The following KMT2A variants were observed in gnomAD, a reference collection of about 807,000 sequenced individuals.
The protein encoded by KMT2A is histone-lysine N-methyltransferase 2A.
A neutral mutation model predicts 345.3 loss-of-function variants in KMT2A; 16 were observed. The observed-to-expected ratio is 0.05, with a 90% confidence interval of 0.03 to 0.07. KMT2A has a LOEUF of 0.07. Ranked by LOEUF, KMT2A falls within the 10% of genes least tolerant of loss-of-function variation. The probability of loss-of-function intolerance (pLI) is 1.00; values close to 1 mark genes in which losing one functional copy is unlikely to be tolerated. For synonymous variants in KMT2A, 1,599 were observed against 1,778.6 expected, an observed-to-expected ratio of 0.90 and a Z score of 2.54; for missense variants, 3,272 against 4,841.6, an observed-to-expected ratio of 0.68 and a Z score of 9.62.
rs1345151213 is a variant in KMT2A, at chr11:118,525,211, G to A, written c.*3039G>A. On this transcript the variant is annotated 3_prime_UTR_variant, in exon 36 of 36. Transcript: ENST00000534358. ...AGGAATTGTGATGGGTCATTCCCAA[G>A]AATCCCCCAAGGGGCATCCCAAATC... is the stretch of plus-strand genomic sequence containing the variant. The A allele has an allele frequency of 4.3e-6, 1 of 231,824 alleles. No individual in the cohort carries two copies. The highest frequency in any genetic ancestry group is 8.5e-6 in the Non-Finnish European group (1 of 117,196). The allele number at this position is 231,824 out of a possible 1,614,324, so 14.4% of individuals were successfully genotyped here.
At chr11:118,475,559 T>C (rs538425365) in intron 3 of KMT2A, among the ~76,000 whole-genome samples, 3 of 152,034 alleles carry the variant, frequency 2.0e-5, no homozygotes, top group Non-Finnish European at 4.4e-5. Context: ...CTGTCTCTAC[T>C]AAAAATCCAA....
chr11:118,482,798 G>A (rs61900944), intron 8 of KMT2A, among the ~76,000 whole-genome samples: 8 of 151,508 alleles, frequency 5.3e-5, no homozygotes, highest in Non-Finnish European at 1.0e-4. Flanking sequence ...CAGGCATGGT[G>A]GCAGTTGCGT....
Position 118,484,418 on chromosome 11 carries a change from G to A in KMT2A, c.4218+104G>A. 2 of 1,234,812 alleles carry A rather than the reference G, an allele frequency of 1.6e-6. No homozygotes were observed. The highest frequency in any genetic ancestry group is 2.3e-6 in the Non-Finnish European group (2 of 879,614). The allele number at this position is 1,234,812 out of a possible 1,614,324, so 76.5% of individuals were successfully genotyped here. A position where few individuals can be genotyped will look rare whatever the true frequency, so the allele number is the denominator to read the frequency against. ...GAAAGAGGAAATCAGCACCAACTGG[G>A]GGAATGAATAAGAACTCCCATTAGC... is the stretch of plus-strand genomic sequence containing the variant. On this transcript the variant is annotated intron_variant, in intron 9 of 35. Coordinates refer to ENST00000534358, the MANE Select transcript of KMT2A (RefSeq NM_001197104.2). The surrounding 1 kb of genome is among the most constrained non-coding windows in gnomAD (Gnocchi z 4.1).
Position 118,495,719 on chromosome 11 carries a change from G to A in KMT2A, c.5383G>A (p.Ala1795Thr), listed in dbSNP as rs1565296868. 1.2e-6 allele frequency: 2 copies of A among 1,611,764 alleles called. No individual in the cohort carries two copies. The highest frequency in any genetic ancestry group is 1.7e-6 in the Non-Finnish European group (2 of 1,178,828). ...VSSNSGMLPN[A>T]VLPPSLDHNY... is the part of the protein sequence containing the mutation. ...TTTCAGCAGTGGGATGTTACCAAAC[G>A]CAGTGCTTCCACCTTCACTTGACCA... Residue 1795 changes from alanine to threonine, a missense_variant, in exon 19 of 36, where the codon GCA becomes ACA. This residue lies in a region of KMT2A where 235 missense variants were observed against 503.4 expected (regional missense o/e 0.47). Coordinates refer to ENST00000534358, the MANE Select transcript of KMT2A (RefSeq NM_001197104.2). This position sits in a 1 kb window ranked among gnomAD's most constrained non-coding sequence, Gnocchi z 4.1.
At chr11:118,479,042 A>G (rs1950087430) in intron 5 of KMT2A, among the ~76,000 whole-genome samples, 1 of 152,260 alleles carries the variant, frequency 6.6e-6, no homozygotes, top group Non-Finnish European at 1.5e-5. Flanking sequence ...TCATAATCAT[A>G]TCATGCAGAG....
Position 118,504,345 on chromosome 11 carries a change from C to T in KMT2A, c.8453C>T (p.Pro2818Leu), listed in dbSNP as rs781858437. 1.9e-6 allele frequency: 3 copies of T among 1,614,112 alleles called. No individual in the cohort carries two copies. Among genetic ancestry groups the T allele is most frequent in the Non-Finnish European group, 2.5e-6 (3 of 1,180,020 alleles). Residue 2818 changes from proline (P) to leucine (L), a missense_variant, in exon 27 of 36, where the codon CCC (proline) becomes CTC (leucine). By Grantham distance (98) the Pro-to-Leu change is moderately conservative. Coordinates refer to ENST00000534358, the MANE Select transcript of KMT2A (RefSeq NM_001197104.2). The surrounding 1 kb of genome is among the most constrained non-coding windows in gnomAD (Gnocchi z 6.4). The stretch of plus-strand genomic sequence containing the variant: ...AGCCGCAGAGTCCACACAAGTACCC[C>T]CTCCGACAAAAATTTACTGGACACC... The part of the protein sequence containing the change: ...ESSRRVHTST[P>L]SDKNLLDTYN...
intron 24 of KMT2A, 108 bp downstream of exon 24, chr11:118,500,021 T>A: frequency 1.5e-6 from 1 of 684,470 alleles, no homozygotes; most frequent in Non-Finnish European, 2.6e-6. Context: ...TTTAAACTGC[T>A]ACTAAAAATT....
chr11:118,468,904 C>T, intron 2 of KMT2A, 60 bp downstream of exon 2: 9 of 1,336,044 alleles, frequency 6.7e-6, no homozygotes, highest in South Asian at 2.4e-5. Flanking sequence ...ATTGTGGCTT[C>T]CTCTTGCCTT....
At position 118,497,671 on chromosome 11, in the gene KMT2A, T is replaced by C. The variant is rs1178456994; in HGVS notation, c.5665-265T>C. On this transcript the variant is annotated intron_variant, in intron 20 of 35. Coordinates refer to ENST00000534358, the MANE Select transcript of KMT2A (RefSeq NM_001197104.2). The surrounding 1 kb of genome is among the most constrained non-coding windows in gnomAD (Gnocchi z 4.8). ...CTTCAGCCTCCAAAAGTGCTGGGATTACAGACGTGAACCACCATACCCAGC... is the reference window on the plus strand; with the variant it reads ...CTTCAGCCTCCAAAAGTGCTGGGATCACAGACGTGAACCACCATACCCAGC... 6.6e-6 allele frequency among the ~76,000 whole-genome samples: 1 copy of C among 152,220 alleles called. No individual in the cohort carries two copies. The highest frequency in any genetic ancestry group is 2.4e-5 in the African/African-American group (1 of 41,458).
chr11:118,460,734 A>ATAGG (rs1253271944), intron 1 of KMT2A, among the ~76,000 whole-genome samples: 1 of 152,178 alleles, frequency 6.6e-6, no homozygotes, highest in Admixed American at 6.5e-5. Context: ...AGGTGCAATA[A>ATAGG]TAGGGGACCA....
chr11:118,444,161 A>C (rs1325935007), intron 1 of KMT2A, among the ~76,000 whole-genome samples: 2 of 152,200 alleles, frequency 1.3e-5, no homozygotes, highest in Non-Finnish European at 2.9e-5. Flanking sequence ...TCAGTTCTAA[A>C]CACTAGGGAA....
At chr11:118,477,069 A>G in intron 4 of KMT2A, 87 bp downstream of exon 4, 1 of 1,252,058 alleles carries the variant, frequency 8.0e-7, no homozygotes, top group Non-Finnish European at 1.2e-6. Flanking sequence ...GGCTCTTCAT[A>G]GTTAGTAGGT....
chr11:118,513,949 A>G (rs1211562341), intron 31 of KMT2A, among the ~76,000 whole-genome samples: 1 of 151,294 alleles, frequency 6.6e-6, no homozygotes, highest in Non-Finnish European at 1.5e-5. Flanking sequence ...AAAAAAAAAA[A>G]AAAAAAAAAG....
At position 118,524,710 on chromosome 11, in the gene KMT2A, GA is replaced by G. The variant is rs1233979281; in HGVS notation, c.*2550del. On this transcript the variant is annotated 3_prime_UTR_variant, in exon 36 of 36. Transcript: ENST00000534358. ...TCCTTGTATTCCTATTTTTTTTAAA[GA>G]AAAAAAAAAAACCTTAAGCTGCATT... The G allele has an allele frequency of 8.1e-3, 1,251 of 153,662 alleles. No individual in the cohort carries two copies. The highest frequency in any genetic ancestry group is 0.053 in the Middle Eastern group (20 of 380). The allele number at this position is 153,662 out of a possible 1,614,324, so 9.5% of individuals were successfully genotyped here.
chr11:118,491,392 C>G lies in KMT2A; in HGVS notation c.4819+74C>G. ...TTATTAGCCTCTAGAGCACTTTAAA[C>G]CTAAAATTATGGTTGTGTTGTTATT... On this transcript the variant is annotated intron_variant, in intron 14 of 35. Transcript: ENST00000534358. This position sits in a 1 kb window ranked among gnomAD's most constrained non-coding sequence, Gnocchi z 4.2. 4 of 1,401,800 alleles carry G rather than the reference C, an allele frequency of 2.9e-6. No homozygotes were observed. The highest frequency in any genetic ancestry group is 3.9e-6 in the Non-Finnish European group (4 of 1,027,534). The allele number at this position is 1,401,800 out of a possible 1,614,324, so 86.8% of individuals were successfully genotyped here.
intron 6 of KMT2A, among the ~76,000 whole-genome samples, chr11:118,481,189 CT>C (rs781879283): frequency 1.6e-4 from 25 of 152,260 alleles, no homozygotes; most frequent in South Asian, 1.5e-3. Context: ...ATCTCATTCA[CT>C]TCTATCTAGC....
chr11:118,468,623 T>G (rs1949889072), intron 1 of KMT2A, 152 bp from the exon 2 acceptor site: 1 of 622,770 alleles, frequency 1.6e-6, no homozygotes, highest in South Asian at 1.6e-5. Flanking sequence ...ATTTCAATAT[T>G]AGTTATTTTA....
intron 31 of KMT2A, 30 bp from the exon 32 acceptor site, chr11:118,519,588 T>A (rs1555052777): frequency 6.3e-7 from 1 of 1,599,794 alleles, no homozygotes; most frequent in Admixed American, 1.7e-5. Flanking sequence ...ACTGCGCTCC[T>A]CACTTCCCTG....
intron 1 of KMT2A, among the ~76,000 whole-genome samples, chr11:118,443,324 T>C (rs1285527870): frequency 2.6e-5 from 4 of 152,206 alleles, no homozygotes; most frequent in Non-Finnish European, 5.9e-5. Flanking sequence ...GTTCTTTATG[T>C]TTTTAAAATG....
Sources: allele counts gnomAD v4.1 joint callset (sites outside exome capture counted in the v4.1 genomes callset), GRCh38; gene constraint gnomAD v4.1.1; regional missense constraint gnomAD v4.1.1; non-coding constraint Gnocchi (gnomAD v3.1); transcripts MANE v1.5; gene names NCBI Gene and HGNC (gene_info 2026-07-23, HGNC 2026-07-21).